Variants in ASIC2 observed in about 807,000 individuals in gnomAD.
The protein encoded by ASIC2 is acid sensing ion channel subunit 2.
A neutral mutation model predicts 57.3 loss-of-function variants in ASIC2; 25 were observed. The ratio of observed to expected loss-of-function variants is 0.44; its 90% confidence interval spans 0.32 to 0.61. The LOEUF (loss-of-function observed/expected upper bound fraction) is 0.61. Among genes scored for constraint, ASIC2 ranks in the 20% least tolerant of loss-of-function variants. ASIC2 has a pLI of 0.06. For synonymous variants in ASIC2, 319 were observed against 307.5 expected, an observed-to-expected ratio of 1.04 and a Z score of -0.39; for missense variants, 641 against 738.1, an observed-to-expected ratio of 0.87 and a Z score of 1.52.
intron 1 of ASIC2, among the ~76,000 whole-genome samples, chr17:33,785,780 A>G (rs1567714980): frequency 6.6e-6 from 1 of 152,196 alleles, no homozygotes; most frequent in Non-Finnish European, 1.5e-5. Flanking sequence ...AGAAATTCCA[A>G]ATTGCAGGGG....
intron 1 of ASIC2, among the ~76,000 whole-genome samples, chr17:33,823,526 G>A (rs572057179): frequency 2.0e-4 from 30 of 152,254 alleles, no homozygotes; most frequent in East Asian, 5.8e-4. Flanking sequence ...GCTTCCAGCC[G>A]TGTCTGTGAG....
At chr17:33,367,325 G>A (rs1292573939) in intron 1 of ASIC2, among the ~76,000 whole-genome samples, 1 of 152,212 alleles carries the variant, frequency 6.6e-6, no homozygotes, top group Middle Eastern at 3.2e-3. Flanking sequence ...CTCCCTTAAG[G>A]AACTCTGGTG....
At chr17:33,902,687 T>C (rs993903950) in intron 1 of ASIC2, among the ~76,000 whole-genome samples, 7 of 152,212 alleles carry the variant, frequency 4.6e-5, no homozygotes, top group African/African-American at 1.7e-4. Flanking sequence ...AGTCAACATC[T>C]GGGTTTTCTA....
In ASIC2 at chr17:33,826,257, G is replaced by A. The variant is rs545139774; in HGVS notation, c.555+329721C>T. Among the ~76,000 whole-genome samples the A allele has an allele frequency of 9.2e-5, 14 of 152,316 alleles. No individual in the cohort carries two copies. The South Asian group carries it at 2.5e-3, about 27-fold the overall frequency. On this transcript the variant is annotated intron_variant, in intron 1 of 9. Transcript: ENST00000359872. ...CCTTGAAATTCAGTGGTCCCATAGAGCTTACGTAAGCATAGTTCCTCTTAG... is the reference window on the plus strand; with the variant it reads ...CCTTGAAATTCAGTGGTCCCATAGAACTTACGTAAGCATAGTTCCTCTTAG...
At chr17:33,770,551 T>A (rs906026944) in intron 1 of ASIC2, among the ~76,000 whole-genome samples, 1 of 152,148 alleles carries the variant, frequency 6.6e-6, no homozygotes, top group Non-Finnish European at 1.5e-5. Context: ...CTTACCACTG[T>A]TTGATGATGC....
chr17:33,848,539 T>C (rs1194308133), intron 1 of ASIC2, among the ~76,000 whole-genome samples: 1 of 152,162 alleles, frequency 6.6e-6, no homozygotes, highest in African/African-American at 2.4e-5. Context: ...CTCATGCCCT[T>C]AGGGACTCAT....
intron 1 of ASIC2, among the ~76,000 whole-genome samples, chr17:33,573,677 T>A (rs1916524434): frequency 6.6e-6 from 1 of 152,190 alleles, no homozygotes; most frequent in East Asian, 1.9e-4. Context: ...GCGATTCTCC[T>A]GCCTCAGCCT....
intron 1 of ASIC2, among the ~76,000 whole-genome samples, chr17:33,393,032 T>C (rs1451922473): frequency 6.6e-6 from 1 of 152,150 alleles, no homozygotes; most frequent in Non-Finnish European, 1.5e-5. Flanking sequence ...CAAGTCTATG[T>C]CTCCTACCTC....
intron 1 of ASIC2, among the ~76,000 whole-genome samples, chr17:33,835,750 A>C (rs1913254830): frequency 6.6e-6 from 1 of 152,160 alleles, no homozygotes; most frequent in Non-Finnish European, 1.5e-5. Flanking sequence ...CATTTTATTG[A>C]GTCTTCACTA....
chr17:33,418,485 G>A (rs1441130882), intron 1 of ASIC2, among the ~76,000 whole-genome samples: 1 of 152,074 alleles, frequency 6.6e-6, no homozygotes, highest in Non-Finnish European at 1.5e-5. Context: ...TTTCTTCTAG[G>A]GTTTTTATGG....
chr17:33,274,080 C>T (rs1904612719), intron 1 of ASIC2, among the ~76,000 whole-genome samples: 1 of 152,226 alleles, frequency 6.6e-6, no homozygotes, highest in South Asian at 2.1e-4. Flanking sequence ...AGGATCTGAA[C>T]TGACATCTGT....
intron 1 of ASIC2, among the ~76,000 whole-genome samples, chr17:33,829,719 T>TG (rs2141899604): frequency 6.6e-6 from 1 of 152,064 alleles, no homozygotes; most frequent in African/African-American, 2.4e-5. Flanking sequence ...TACAGGCCAC[T>TG]GTGCCTGGCT....
At chr17:34,030,758 C>T (rs568130320) in intron 1 of ASIC2, among the ~76,000 whole-genome samples, 2 of 152,334 alleles carry the variant, frequency 1.3e-5, no homozygotes, top group East Asian at 3.9e-4. Context: ...TTGCTCATTG[C>T]TAGCACAGCA....
intron 1 of ASIC2, among the ~76,000 whole-genome samples, chr17:33,474,537 T>G (rs1343538590): frequency 6.6e-6 from 1 of 152,178 alleles, no homozygotes; most frequent in Admixed American, 6.5e-5. Flanking sequence ...GGAAGAGAAC[T>G]GATCTTGGAA....
chr17:34,123,281 G>C (rs983325763), intron 1 of ASIC2, among the ~76,000 whole-genome samples: 3 of 152,180 alleles, frequency 2.0e-5, no homozygotes, highest in Admixed American at 6.5e-5. Context: ...AAGCTGCTGA[G>C]ATCAAGCAGA....
At chr17:33,906,170 C>T (rs1201725539) in intron 1 of ASIC2, among the ~76,000 whole-genome samples, 1 of 152,142 alleles carries the variant, frequency 6.6e-6, no homozygotes, top group Non-Finnish European at 1.5e-5. Flanking sequence ...CATCTGCTCC[C>T]TTATTACGTG....
chr17:34,083,696 T>A (rs1481999035), intron 1 of ASIC2, among the ~76,000 whole-genome samples: 1 of 152,198 alleles, frequency 6.6e-6, no homozygotes, highest in Non-Finnish European at 1.5e-5. Flanking sequence ...GTTTCCTGAC[T>A]TTTTAATGAT....
At chr17:33,173,214 T>C (rs1196924989) in intron 1 of ASIC2, among the ~76,000 whole-genome samples, 2 of 152,090 alleles carry the variant, frequency 1.3e-5, no homozygotes, top group African/African-American at 4.8e-5. Flanking sequence ...GATCCAGGTT[T>C]GGGGCACATC....
intron 1 of ASIC2, among the ~76,000 whole-genome samples, chr17:33,427,998 G>A (rs961648539): frequency 6.6e-6 from 1 of 152,180 alleles, no homozygotes; most frequent in Non-Finnish European, 1.5e-5. Context: ...AGGGGTCCAT[G>A]TGGCAAGTAA....
Sources: gnomAD v4.1 joint callset for allele counts (sites outside exome capture counted in the v4.1 genomes callset) on GRCh38, gnomAD v4.1.1 for gene constraint, MANE v1.5 for transcripts, NCBI Gene and HGNC (gene_info 2026-07-23, HGNC 2026-07-21) for gene names.